Variants in GPHN observed in about 807,000 individuals in gnomAD.
The protein encoded by GPHN is gephyrin.
Under a neutral mutation model 95.5 loss-of-function variants are expected in GPHN, and 17 were observed. The observed-to-expected ratio is 0.18, with a 90% confidence interval of 0.12 to 0.27. The LOEUF (loss-of-function observed/expected upper bound fraction) is 0.27, where lower values mean the gene tolerates loss of function less well. Ranked by LOEUF, GPHN falls within the 10% of genes least tolerant of loss-of-function variation. The pLI is 1.00. For missense variants in GPHN, 660 were observed against 978.1 expected, an observed-to-expected ratio of 0.67 and a Z score of 4.34; for synonymous variants, 320 against 322.5, an observed-to-expected ratio of 0.99 and a Z score of 0.08.
chr14:67,678,264 C>G, the GPHN span: 1 of 1,117,954 alleles, frequency 8.9e-7, no homozygotes, highest in East Asian at 2.4e-5. Flanking sequence ...ATCATTTTGA[C>G]AAGAAGTACT....
At chr14:67,098,189 A>T (rs1396673301) in intron 12 of GPHN, among the ~76,000 whole-genome samples, 1 of 152,092 alleles carries the variant, frequency 6.6e-6, no homozygotes, top group African/African-American at 2.4e-5. Context: ...AAAAAAGACA[A>T]ACCTTGTAAC....
intron 10 of GPHN, among the ~76,000 whole-genome samples, chr14:67,045,717 C>G (rs28420093): frequency 6.6e-6 from 1 of 151,344 alleles, no homozygotes; most frequent in Non-Finnish European, 1.5e-5. Context: ...GTCTCTCTCT[C>G]TCTGTCTGTC....
chr14:66,783,252 G>A (rs865832096), intron 3 of GPHN, among the ~76,000 whole-genome samples: 7 of 152,296 alleles, frequency 4.6e-5, no homozygotes, highest in Admixed American at 6.5e-5. Context: ...AGAAGTAAGT[G>A]GCATAGTTCT....
In GPHN at chr14:66,959,784, A is replaced by C. The variant is rs770186665; in HGVS notation, c.829-5407A>C. Among the ~76,000 whole-genome samples the C allele has an allele frequency of 3.0e-4, 45 of 151,864 alleles. No individual in the cohort carries two copies. The Middle Eastern group carries it at 0.014, about 46-fold the overall frequency. ...ATTCATGTCTTTCATCAAATTTGGG[A>C]AGTTTTTAGGCATTGTTTCCTCAAA... On this transcript the variant is annotated intron_variant, in intron 8 of 22. Coordinates refer to ENST00000478722, the MANE Select transcript of GPHN (RefSeq NM_020806.5).
the GPHN span, among the ~76,000 whole-genome samples, chr14:67,240,223 C>T: frequency 1.7e-4 from 26 of 152,296 alleles, no homozygotes; most frequent in African/African-American, 5.8e-4. Flanking sequence ...CAAAGATCTT[C>T]ACCACCAGGA....
chr14:67,651,117 C>T, the GPHN span: 19 of 913,528 alleles, frequency 2.1e-5, no homozygotes, highest in Non-Finnish European at 3.1e-5. Context: ...TTGCAGTTCA[C>T]AGGGTATTAA....
rs1418124614 is a variant in GPHN at position 67,089,209 on chromosome 14, C to T, written c.1237+134C>T. The T allele has an allele frequency of 8.7e-6, 5 of 577,836 alleles. No individual in the cohort carries two copies. The Admixed American group carries it at 1.2e-4, about 14-fold the overall frequency. 35.8% of individuals were successfully genotyped at this position (577,836 alleles called of 1,614,324 possible). A position where few individuals can be genotyped will look rare whatever the true frequency, so the allele number is the denominator to read the frequency against. The stretch of plus-strand genomic sequence containing the variant: ...CCAGCAACTGTTAGGTTTGTTTCCC[C>T]ATGACTGTCAAAATAACTTCATTCA... On this transcript the variant is annotated intron_variant, in intron 12 of 22. Coordinates refer to ENST00000478722, the MANE Select transcript of GPHN (RefSeq NM_020806.5).
At chr14:67,546,390 G>GT in the GPHN span, among the ~76,000 whole-genome samples, 54 of 152,010 alleles carry the variant, frequency 3.6e-4, no homozygotes, top group African/African-American at 1.2e-3. Flanking sequence ...TGTGTTTTTT[G>GT]TTTTGTTTTT....
chr14:66,767,011 T>G (rs2058984080), intron 2 of GPHN, among the ~76,000 whole-genome samples: 1 of 152,052 alleles, frequency 6.6e-6, no homozygotes, highest in Admixed American at 6.6e-5. Context: ...GTCCTAATCC[T>G]CTCCTCAAAT....
At chr14:67,195,712 GTT>G in the GPHN span, among the ~76,000 whole-genome samples, 25 of 101,748 alleles carry the variant, frequency 2.5e-4, no homozygotes, top group Non-Finnish European at 1.9e-4. Context: ...TTTCTTTTTG[GTT>G]GTGTGTGTGT....
intron 8 of GPHN, among the ~76,000 whole-genome samples, chr14:66,941,708 C>T (rs2067440575): frequency 6.6e-6 from 1 of 151,428 alleles, no homozygotes; most frequent in African/African-American, 2.4e-5. Context: ...CTTGTTTCTC[C>T]AATTGCATCC....
the GPHN span, among the ~76,000 whole-genome samples, chr14:67,505,436 G>A: frequency 3.9e-5 from 6 of 152,202 alleles, no homozygotes; most frequent in Admixed American, 1.3e-4. Flanking sequence ...TGGGACACAC[G>A]TTGGCCATCT....
the GPHN span, chr14:67,292,707 T>C: frequency 6.2e-7 from 1 of 1,613,276 alleles, no homozygotes. Flanking sequence ...ACGCACAAGA[T>C]CTTGCTCAAG....
At chr14:67,159,196 T>C (rs1313558447) in intron 18 of GPHN, among the ~76,000 whole-genome samples, 4 of 152,204 alleles carry the variant, frequency 2.6e-5, no homozygotes. Context: ...ACACATAGAC[T>C]GGTACTCATC....
At chr14:67,206,314 A>G in the GPHN span, among the ~76,000 whole-genome samples, 15,427 of 152,146 alleles carry the variant, frequency 0.1, 1,067 homozygotes, top group African/African-American at 0.2. Flanking sequence ...CCTGGCCAAC[A>G]TGGCAAAACC....
At chr14:67,587,224 A>T in the GPHN span, 2 of 1,613,780 alleles carry the variant, frequency 1.2e-6, 1 homozygote, top group South Asian at 2.2e-5. Context: ...CAAGGGGCCA[A>T]CGTTGCTGTG....
chr14:66,945,895 T>C (rs544321579), intron 8 of GPHN, among the ~76,000 whole-genome samples: 55 of 152,314 alleles, frequency 3.6e-4, no homozygotes, highest in Middle Eastern at 3.4e-3. Flanking sequence ...TCTTTATCTG[T>C]GCTTAAAGAA....
intron 21 of GPHN, among the ~76,000 whole-genome samples, chr14:67,177,880 A>T (rs2083088163): frequency 6.6e-6 from 1 of 152,104 alleles, no homozygotes; most frequent in Admixed American, 6.6e-5. Flanking sequence ...AGAGACTAGG[A>T]TTGCAACCCC....
intron 1 of GPHN, among the ~76,000 whole-genome samples, chr14:66,516,173 A>ATTT (rs1415948060): frequency 7.2e-6 from 1 of 138,940 alleles, no homozygotes; most frequent in African/African-American, 2.7e-5. Flanking sequence ...TGCCTGGCTA[A>ATTT]TTTTTTTTTT....
Sources: gnomAD v4.1 joint callset for allele counts (sites outside exome capture counted in the v4.1 genomes callset) on GRCh38, gnomAD v4.1.1 for gene constraint, MANE v1.5 for transcripts, NCBI Gene and HGNC (gene_info 2026-07-23, HGNC 2026-07-21) for gene names.